Variants in FHIT observed in about 807,000 individuals in gnomAD.
The protein encoded by FHIT is bis(5'-adenosyl)-triphosphatase.
In FHIT, 19 loss-of-function variants were observed where a neutral mutation model predicts 17.9. The ratio of observed to expected loss-of-function variants is 1.06; its 90% CI spans 0.74 to 1.56. The LOEUF is 1.56. Ranked by LOEUF, FHIT falls within the 40% of genes most tolerant of loss-of-function variation. The pLI, the probability that FHIT is intolerant of heterozygous loss-of-function variation, is 0.00. For synonymous variants in FHIT, 81 were observed against 69.7 expected, an observed-to-expected ratio of 1.16 and a Z score of -0.81; for missense variants, 248 against 189.2, an observed-to-expected ratio of 1.31 and a Z score of -1.82.
At chr3:61,076,197 C>T (rs2034965883) in intron 2 of FHIT, among the ~76,000 whole-genome samples, 1 of 152,186 alleles carries the variant, frequency 6.6e-6, no homozygotes, top group South Asian at 2.1e-4. Flanking sequence ...ACGATGGAGG[C>T]ATGCCAAAAA....
chr3:59,984,857 T>C (rs1708822297), intron 7 of FHIT, among the ~76,000 whole-genome samples: 1 of 152,078 alleles, frequency 6.6e-6, no homozygotes, highest in Admixed American at 6.6e-5. Context: ...CATGTCATAA[T>C]CCTCTTCACA....
chr3:60,174,741 C>T (rs914964332), intron 5 of FHIT, among the ~76,000 whole-genome samples: 1 of 151,536 alleles, frequency 6.6e-6, no homozygotes, highest in Non-Finnish European at 1.5e-5. Flanking sequence ...TAATATTGCA[C>T]AATTATGTCT....
chr3:60,290,203 G>GA (rs1422465015), intron 5 of FHIT, among the ~76,000 whole-genome samples: 1 of 152,098 alleles, frequency 6.6e-6, no homozygotes, highest in Non-Finnish European at 1.5e-5. Context: ...TATTCCAACA[G>GA]AAAAAATAAG....
chr3:60,549,765 C>A (rs912860267), intron 4 of FHIT, among the ~76,000 whole-genome samples: 1 of 152,158 alleles, frequency 6.6e-6, no homozygotes, highest in African/African-American at 2.4e-5. Context: ...ACCAGGAAGT[C>A]AGACACAATG....
intron 5 of FHIT, among the ~76,000 whole-genome samples, chr3:60,347,689 G>T (rs868863355): frequency 0.011 from 896 of 85,220 alleles, 9 homozygotes; most frequent in African/African-American, 0.015. Context: ...GGGGGGGGGG[G>T]TTTGTTTTTT....
intron 8 of FHIT, among the ~76,000 whole-genome samples, chr3:59,862,679 G>A (rs936141023): frequency 2.0e-5 from 3 of 152,204 alleles, no homozygotes; most frequent in Non-Finnish European, 4.4e-5. Context: ...GCAAGTAGTT[G>A]ATTTAGAAGG....
At chr3:60,776,908 T>A (rs1553724607) in intron 4 of FHIT, among the ~76,000 whole-genome samples, 3 of 152,214 alleles carry the variant, frequency 2.0e-5, no homozygotes, top group African/African-American at 7.2e-5. Flanking sequence ...GAAATTAATC[T>A]TGCAGAAGAG....
At chr3:60,820,679 C>T (rs1701892800) in intron 4 of FHIT, among the ~76,000 whole-genome samples, 2 of 152,152 alleles carry the variant, frequency 1.3e-5, no homozygotes, top group African/African-American at 2.4e-5. Context: ...GATAAGCTGG[C>T]TGACATTGTA....
intron 7 of FHIT, among the ~76,000 whole-genome samples, chr3:59,959,080 TAGAC>T (rs1244935176): frequency 1.3e-5 from 2 of 152,184 alleles, no homozygotes; most frequent in African/African-American, 2.4e-5. Context: ...TGGCAAGAGA[TAGAC>T]AGATGAGGTA....
chr3:60,046,310 G>C (rs903120641), intron 5 of FHIT, among the ~76,000 whole-genome samples: 3 of 152,162 alleles, frequency 2.0e-5, no homozygotes, highest in African/African-American at 7.2e-5. Flanking sequence ...TCAATAAACA[G>C]GTGGATTTTG....
intron 2 of FHIT, among the ~76,000 whole-genome samples, chr3:61,082,659 T>C (rs1347308688): frequency 6.6e-6 from 1 of 152,248 alleles, no homozygotes; most frequent in African/African-American, 2.4e-5. Flanking sequence ...CCCACACCAC[T>C]GTATGATAGT....
chr3:61,152,959 C>G (rs555263617), intron 2 of FHIT, among the ~76,000 whole-genome samples: 1 of 151,924 alleles, frequency 6.6e-6, no homozygotes, highest in East Asian at 1.9e-4. Flanking sequence ...CTGGCTAACA[C>G]GGTGAAATCC....
chr3:59,885,001 T>A (rs1425271600), intron 8 of FHIT, among the ~76,000 whole-genome samples: 1 of 152,166 alleles, frequency 6.6e-6, no homozygotes, highest in Admixed American at 6.5e-5. Flanking sequence ...CAGAGAGCAG[T>A]AAGAAAAATT....
At chr3:60,159,779 G>C (rs1305603362) in intron 5 of FHIT, among the ~76,000 whole-genome samples, 2 of 152,160 alleles carry the variant, frequency 1.3e-5, no homozygotes, top group Non-Finnish European at 2.9e-5. Context: ...CATGCCCCAA[G>C]TCACTAGGTT....
chr3:60,044,880 C>T (rs1345678506), intron 5 of FHIT, among the ~76,000 whole-genome samples: 1 of 152,062 alleles, frequency 6.6e-6, no homozygotes, highest in Non-Finnish European at 1.5e-5. Flanking sequence ...CCTGTGAGCA[C>T]AATGAGCTCA....
intron 5 of FHIT, among the ~76,000 whole-genome samples, chr3:60,398,004 G>A (rs1271055997): frequency 2.0e-5 from 3 of 152,034 alleles, no homozygotes; most frequent in Non-Finnish European, 4.4e-5. Flanking sequence ...CTTTCGGGTA[G>A]GGGAACCGCT....
chr3:61,096,849 A>G (rs991529379), intron 2 of FHIT, among the ~76,000 whole-genome samples: 1 of 152,142 alleles, frequency 6.6e-6, no homozygotes, highest in South Asian at 2.1e-4. Context: ...GGCAGCTCAC[A>G]CCTGTAATCC....
intron 4 of FHIT, chr3:60,732,728 C>T: frequency 3.2e-6 from 1 of 315,282 alleles, no homozygotes; most frequent in Admixed American, 4.1e-5. Flanking sequence ...GCTCTGTCAC[C>T]CAGGCTGGAG....
intron 5 of FHIT, among the ~76,000 whole-genome samples, chr3:60,271,410 A>G (rs1293523158): frequency 6.6e-6 from 1 of 152,172 alleles, no homozygotes; most frequent in African/African-American, 2.4e-5. Flanking sequence ...TCTCCAAAAA[A>G]TAATAAAATA....
Sources: gnomAD v4.1 joint callset for allele counts (sites outside exome capture counted in the v4.1 genomes callset) on GRCh38, gnomAD v4.1.1 for gene constraint, MANE v1.5 for transcripts, NCBI Gene and HGNC (gene_info 2026-07-23, HGNC 2026-07-21) for gene names.